CNTN4: variants seen among roughly 807,000 people sequenced by gnomAD.
CNTN4 encodes contactin-4.
Under a neutral mutation model 122.5 loss-of-function variants are expected in CNTN4, and 77 were observed. The ratio of observed to expected loss-of-function variants is 0.63; its 90% confidence interval spans 0.52 to 0.76. CNTN4 has a LOEUF of 0.76. Among genes scored for constraint, CNTN4 ranks in the 30% least tolerant of loss-of-function variants. The pLI is 0.00. For synonymous variants in CNTN4, 512 were observed against 447.0 expected, an observed-to-expected ratio of 1.15 and a Z score of -1.83; for missense variants, 1,256 against 1,259.1, an observed-to-expected ratio of 1.00 and a Z score of 0.04.
intron 2 of CNTN4, among the ~76,000 whole-genome samples, chr3:2,135,189 G>A (rs569161659): frequency 6.6e-6 from 1 of 152,114 alleles, no homozygotes; most frequent in Non-Finnish European, 1.5e-5. Flanking sequence ...GGCCTGTGTG[G>A]ACCTTGAGGA....
intron 4 of CNTN4, among the ~76,000 whole-genome samples, chr3:2,577,073 C>G (rs1168959357): frequency 6.6e-6 from 1 of 152,162 alleles, no homozygotes; most frequent in African/African-American, 2.4e-5. Context: ...AACATACTTT[C>G]TTAGGGGTTC....
At chr3:2,103,822 G>A (rs1231792737) in intron 2 of CNTN4, among the ~76,000 whole-genome samples, 1 of 151,982 alleles carries the variant, frequency 6.6e-6, no homozygotes, top group African/African-American at 2.4e-5. Flanking sequence ...TCATCCTGTT[G>A]TCCCATTTCC....
chr3:2,258,993 A>T (rs1258868023), intron 2 of CNTN4, among the ~76,000 whole-genome samples: 2 of 152,114 alleles, frequency 1.3e-5, no homozygotes, highest in Non-Finnish European at 2.9e-5. Context: ...CTTATAAGGC[A>T]TAAGTGCTAT....
chr3:2,781,377 A>G (rs1173876822), intron 6 of CNTN4, among the ~76,000 whole-genome samples: 1 of 152,246 alleles, frequency 6.6e-6, no homozygotes, highest in African/African-American at 2.4e-5. Flanking sequence ...GCATAATACT[A>G]TGCTGTGAAT....
chr3:2,459,575 C>T (rs17194455), intron 3 of CNTN4, among the ~76,000 whole-genome samples: 72,365 of 151,852 alleles, frequency 0.48, 18,073 homozygotes, highest in East Asian at 0.76. Context: ...GTGATATGGC[C>T]AGTTAGACTT....
intron 3 of CNTN4, among the ~76,000 whole-genome samples, chr3:2,470,482 A>G (rs751954545): frequency 1.3e-4 from 19 of 151,962 alleles, no homozygotes; most frequent in Non-Finnish European, 2.4e-4. Flanking sequence ...TTGCTTCCTT[A>G]TCGCATCTTG....
At chr3:2,834,075 G>A (rs1300647667) in intron 7 of CNTN4, among the ~76,000 whole-genome samples, 2 of 151,946 alleles carry the variant, frequency 1.3e-5, no homozygotes, top group South Asian at 2.1e-4. Flanking sequence ...GATCACGGGA[G>A]GCAGAGGTTG....
intron 14 of CNTN4, among the ~76,000 whole-genome samples, chr3:3,011,544 T>C (rs1214645818): frequency 6.6e-6 from 1 of 152,230 alleles, no homozygotes; most frequent in Non-Finnish European, 1.5e-5. Context: ...AGAAGGCACC[T>C]GTGTCACTTA....
chr3:2,623,082 A>G (rs1559315954), intron 4 of CNTN4, among the ~76,000 whole-genome samples: 1 of 152,226 alleles, frequency 6.6e-6, no homozygotes, highest in Non-Finnish European at 1.5e-5. Flanking sequence ...TCTCACCTTA[A>G]TAAATGCTGC....
At chr3:2,864,511 G>A (rs1017332505) in intron 7 of CNTN4, among the ~76,000 whole-genome samples, 2 of 151,850 alleles carry the variant, frequency 1.3e-5, no homozygotes, top group Non-Finnish European at 2.9e-5. Context: ...GGCCGAGGAG[G>A]GCAGATCACC....
chr3:2,267,523 G>A (rs1371968338), intron 2 of CNTN4, among the ~76,000 whole-genome samples: 3 of 152,020 alleles, frequency 2.0e-5, no homozygotes, highest in Admixed American at 1.3e-4. Context: ...AACATGTCAT[G>A]TCTGTTATAC....
At chr3:2,101,592 A>G (rs2031966383) in intron 2 of CNTN4, among the ~76,000 whole-genome samples, 1 of 152,078 alleles carries the variant, frequency 6.6e-6, no homozygotes, top group Non-Finnish European at 1.5e-5. Context: ...CTGTAATGCT[A>G]TGTTTTAAGC....
At chr3:2,223,671 C>T (rs2039150772) in intron 2 of CNTN4, among the ~76,000 whole-genome samples, 1 of 152,120 alleles carries the variant, frequency 6.6e-6, no homozygotes, top group African/African-American at 2.4e-5. Flanking sequence ...TAAAATTCTC[C>T]CTTACTGATT....
intron 3 of CNTN4, among the ~76,000 whole-genome samples, chr3:2,415,407 G>A (rs1372641581): frequency 6.6e-6 from 1 of 152,202 alleles, no homozygotes; most frequent in Non-Finnish European, 1.5e-5. Context: ...CAGAATTTCA[G>A]TTTATGGATC....
intron 4 of CNTN4, among the ~76,000 whole-genome samples, chr3:2,678,995 G>A (rs1371041350): frequency 6.6e-6 from 1 of 152,116 alleles, no homozygotes; most frequent in Non-Finnish European, 1.5e-5. Context: ...GTGTTCTGTT[G>A]AAATGCCCCC....
At chr3:2,751,867 G>A (rs778338884) in intron 6 of CNTN4, among the ~76,000 whole-genome samples, 2 of 151,836 alleles carry the variant, frequency 1.3e-5, no homozygotes, top group Non-Finnish European at 2.9e-5. Flanking sequence ...TAGGAATGTG[G>A]GCTTGAGAAG....
intron 3 of CNTN4, among the ~76,000 whole-genome samples, chr3:2,340,704 T>TAGAGAGAG (rs1211078887): frequency 7.9e-4 from 14 of 17,822 alleles, no homozygotes; most frequent in African/African-American, 1.3e-3. Flanking sequence ...TATATATATA[T>TAGAGAGAG]ATATATAGAG....
intron 2 of CNTN4, among the ~76,000 whole-genome samples, chr3:2,222,319 T>G (rs989481129): frequency 3.3e-5 from 5 of 152,126 alleles, no homozygotes; most frequent in African/African-American, 1.2e-4. Context: ...ATGATACTGT[T>G]TATATGACAT....
intron 3 of CNTN4, among the ~76,000 whole-genome samples, chr3:2,544,074 A>G (rs1476079766): frequency 1.3e-5 from 2 of 152,116 alleles, no homozygotes; most frequent in Non-Finnish European, 2.9e-5. Context: ...TAAGCTACAT[A>G]TTTTTATAAA....
Sources: gnomAD v4.1 joint callset for allele counts (sites outside exome capture counted in the v4.1 genomes callset) on GRCh38, gnomAD v4.1.1 for gene constraint, MANE v1.5 for transcripts, NCBI Gene and HGNC (gene_info 2026-07-23, HGNC 2026-07-21) for gene names.